GTF2A1L: variants seen among roughly 807,000 people sequenced by gnomAD.
The protein encoded by GTF2A1L is TFIIA-alpha and beta-like factor.
A neutral mutation model predicts 49.7 loss-of-function variants in GTF2A1L; 48 were observed. That is an observed-to-expected ratio of 0.97 (90% CI 0.77 to 1.23). The LOEUF is 1.23. Among genes scored for constraint, GTF2A1L ranks in the 50% most tolerant of loss-of-function variants. The pLI is 0.00. For synonymous variants in GTF2A1L, 246 were observed against 193.5 expected (o/e 1.27, Z -2.25); for missense variants, 736 against 564.8 (o/e 1.30, Z -3.07).
intron 3 of GTF2A1L, 86 bp downstream of exon 3, chr2:48,621,376 G>C (rs17037472): frequency 0.12 from 184,086 of 1,580,350 alleles, 12,159 homozygotes; most frequent in East Asian, 0.3. Context: ...ACAGGGTAAT[G>C]TTCTTAGGGT....
intron 3 of GTF2A1L, among the ~76,000 whole-genome samples, chr2:48,631,207 A>C (rs1199228743): frequency 2.0e-5 from 3 of 152,110 alleles, no homozygotes; most frequent in Non-Finnish European, 4.4e-5. Context: ...TAGTATCAGC[A>C]CTACTTTGAA....
chr2:48,618,346 C>A (rs1675779812), intron 1 of GTF2A1L, among the ~76,000 whole-genome samples: 1 of 152,178 alleles, frequency 6.6e-6, no homozygotes, highest in Non-Finnish European at 1.5e-5. Flanking sequence ...TCACTACCCG[C>A]CCATTTCGTT....
intron 6 of GTF2A1L, among the ~76,000 whole-genome samples, chr2:48,647,421 G>C (rs1677585176): frequency 6.6e-6 from 1 of 152,192 alleles, no homozygotes. Context: ...CAGAGAAAAT[G>C]CGTTTGTTTT....
chr2:48,670,105 A>T, intron 7 of GTF2A1L, 123 bp downstream of exon 7: 1 of 1,390,244 alleles, frequency 7.2e-7, no homozygotes. Context: ...AATAAGACTT[A>T]TTTGGGGCCG....
intron 3 of GTF2A1L, among the ~76,000 whole-genome samples, chr2:48,636,287 T>C (rs1425119685): frequency 6.6e-6 from 1 of 152,252 alleles, no homozygotes. Flanking sequence ...GCTGCAGAAA[T>C]GCTTTATCCT....
chr2:48,624,894 G>C (rs1676217543), intron 3 of GTF2A1L, among the ~76,000 whole-genome samples: 1 of 143,426 alleles, frequency 7.0e-6, no homozygotes, highest in Admixed American at 7.1e-5. Flanking sequence ...CTTTTAAAAA[G>C]CTGAATCATA....
rs191943228 is a variant in GTF2A1L, at chr2:48,660,397, G to T, written c.979-9325G>T. On this transcript the variant is annotated intron_variant, in intron 6 of 8. Transcript: ENST00000403751. Reference sequence around the variant, plus strand: ...GTATAATTTTCTAGTGAAGACATTTGGTTCTGGATTTTTCTTTGTAGGTAG... The same window carrying T: ...GTATAATTTTCTAGTGAAGACATTTTGTTCTGGATTTTTCTTTGTAGGTAG... Among the ~76,000 whole-genome samples the T allele has an allele frequency of 1.0e-3, 152 of 152,024 alleles. 8 individuals are homozygous for T. The East Asian group carries it at 0.02, about 20-fold the overall frequency.
chr2:48,639,889 C>A (rs781292958), intron 3 of GTF2A1L, among the ~76,000 whole-genome samples: 1 of 152,186 alleles, frequency 6.6e-6, no homozygotes, highest in African/African-American at 2.4e-5. Context: ...GGATAAAGGA[C>A]ATGAACAGAC....
intron 6 of GTF2A1L, among the ~76,000 whole-genome samples, chr2:48,655,327 A>G (rs1312974985): frequency 1.3e-5 from 2 of 151,994 alleles, no homozygotes; most frequent in South Asian, 2.1e-4. Flanking sequence ...TTGCATTTTT[A>G]AAAATATATT....
intron 7 of GTF2A1L, 73 bp from the exon 8 acceptor site, chr2:48,671,518 C>T (rs1679165955): frequency 6.7e-7 from 1 of 1,485,488 alleles, no homozygotes; most frequent in Admixed American, 1.9e-5. Context: ...TCCTTTATTT[C>T]TATATGTCTC....
chr2:48,659,114 TTATA>T (rs953002126), intron 6 of GTF2A1L, among the ~76,000 whole-genome samples: 3 of 151,982 alleles, frequency 2.0e-5, no homozygotes, highest in Admixed American at 2.0e-4. Flanking sequence ...CTAGTTGCCT[TTATA>T]TATATATTAG....
chr2:48,669,760 T>C lies in GTF2A1L; in HGVS notation c.1017T>C (p.Thr339=), dbSNP rs527589679. ...NSQVDLSIRV[T]DDDIGEIIQV... ...AGGTGGATTTAAGCATTCGGGTTAC[T>C]GATGATGATATTGGTGAAATAATTC... The change falls in exon 7 of 9, where the codon ACT becomes ACC. Residue 339 remains threonine, a synonymous_variant. Coordinates refer to ENST00000403751, the MANE Select transcript of GTF2A1L (RefSeq NM_006872.5). 6 of 1,613,866 alleles carry C rather than the reference T, an allele frequency of 3.7e-6. No homozygotes were observed. Among genetic ancestry groups the C allele is most frequent in the Non-Finnish European group, 5.1e-6 (6 of 1,179,884 alleles).
At chr2:48,636,578 A>G (rs1676899570) in intron 3 of GTF2A1L, among the ~76,000 whole-genome samples, 1 of 152,210 alleles carries the variant, frequency 6.6e-6, no homozygotes, top group Admixed American at 6.5e-5. Flanking sequence ...AACAAAACCA[A>G]ATAAAAATAC....
At chr2:48,666,575 A>G (rs886818392) in intron 6 of GTF2A1L, among the ~76,000 whole-genome samples, 8 of 142,952 alleles carry the variant, frequency 5.6e-5, no homozygotes, top group African/African-American at 1.3e-4. Flanking sequence ...TTATTAATCA[A>G]CTTGTCAGGG....
chr2:48,646,953 C>T lies in GTF2A1L; in HGVS notation c.889C>T (p.His297Tyr). 6.2e-7 allele frequency: 1 copy of T among 1,614,150 alleles called. No individual in the cohort carries two copies. Among genetic ancestry groups the T allele is most frequent in the Non-Finnish European group, 8.5e-7 (1 of 1,180,030 alleles). Reference protein sequence around the residue: ...LHQHVTDIQLHILKNRMYGCD... With the variant: ...LHQHVTDIQLYILKNRMYGCD... ...CCAGCACGTGACTGATATTCAGCTT[C>T]ATATTCTTAAAAATAGGATGTATGG... The change falls in exon 6 of 9, where the codon CAT (histidine) becomes TAT (tyrosine). Residue 297 changes from histidine to tyrosine, a missense_variant. By Grantham distance (83) the His-to-Tyr change is moderately conservative. Coordinates refer to ENST00000403751, the MANE Select transcript of GTF2A1L (RefSeq NM_006872.5).
intron 3 of GTF2A1L, among the ~76,000 whole-genome samples, chr2:48,639,550 A>C (rs1677090585): frequency 6.6e-6 from 1 of 152,204 alleles, no homozygotes; most frequent in Non-Finnish European, 1.5e-5. Context: ...AAATCAACTC[A>C]AGATGGATTA....
At chr2:48,652,758 G>C (rs1677926400) in intron 6 of GTF2A1L, among the ~76,000 whole-genome samples, 1 of 146,124 alleles carries the variant, frequency 6.8e-6, no homozygotes, top group Non-Finnish European at 1.5e-5. Flanking sequence ...GCAGTGGTGT[G>C]ATCTCGGCGC....
Position 48,669,669 on chromosome 2 carries a change from A to G in GTF2A1L, c.979-53A>G, listed in dbSNP as rs1314118483. 8.5e-6 allele frequency: 13 copies of G among 1,530,526 alleles called. No individual in the cohort carries two copies. In the East Asian group the frequency reaches 2.5e-4, roughly 30 times the overall value. 94.8% of individuals were successfully genotyped at this position (1,530,526 alleles called of 1,614,324 possible). A position where few individuals can be genotyped will look rare whatever the true frequency, so the allele number is the denominator to read the frequency against. ...TGTTAATTTTAAATTTGGATTCAAT[A>G]TTTTATATACCTTATTTGACTTGAA... On this transcript the variant is annotated intron_variant, in intron 6 of 8. Coordinates refer to ENST00000403751, the MANE Select transcript of GTF2A1L (RefSeq NM_006872.5).
At chr2:48,677,800 A>G (rs1679554571) in intron 8 of GTF2A1L, among the ~76,000 whole-genome samples, 1 of 152,036 alleles carries the variant, frequency 6.6e-6, no homozygotes, top group South Asian at 2.1e-4. Flanking sequence ...TTTTGTAGGT[A>G]GAACTAACAC....
Sources: allele counts gnomAD v4.1 joint callset (sites outside exome capture counted in the v4.1 genomes callset), GRCh38; gene constraint gnomAD v4.1.1; transcripts MANE v1.5; gene names NCBI Gene and HGNC (gene_info 2026-07-23, HGNC 2026-07-21).